Variants in TET2 observed in about 807,000 individuals in gnomAD.
TET2 encodes the protein tet methylcytosine dioxygenase 2.
A neutral mutation model predicts 142.9 loss-of-function variants in TET2; 299 were observed. The observed-to-expected ratio is 2.09, with a 90% CI of 1.90 to 2.30. The LOEUF (loss-of-function observed/expected upper bound fraction) is 2.30. Among genes scored for constraint, TET2 ranks in the 30% most tolerant of loss-of-function variants. The pLI is 0.00. For missense variants in TET2, 2,418 were observed against 2,378.0 expected, an observed-to-expected ratio of 1.02 and a Z score of -0.35; for synonymous variants, 819 against 849.0, an observed-to-expected ratio of 0.96 and a Z score of 0.61.
chr4:105,203,415 A>C (rs989739867), intron 2 of TET2, among the ~76,000 whole-genome samples: 5 of 152,260 alleles, frequency 3.3e-5, no homozygotes, highest in Non-Finnish European at 7.3e-5. Context: ...TGTTCTAAAC[A>C]GTACTGTAAT....
intron 1 of TET2, among the ~76,000 whole-genome samples, chr4:105,184,675 C>A (rs965078503): frequency 6.6e-6 from 1 of 152,128 alleles, no homozygotes; most frequent in Non-Finnish European, 1.5e-5. Flanking sequence ...TGAAATAGCA[C>A]TTCCCTTTAG....
chr4:105,242,865 G>GA lies in TET2; in HGVS notation c.3535dup (p.Arg1179LysfsTer7). The GA allele has an allele frequency of 6.4e-7, 1 of 1,551,424 alleles. No homozygotes were observed. The highest frequency in any genetic ancestry group is 8.7e-7 in the Non-Finnish European group (1 of 1,146,864). ...ACAGAAGGGTAAAGCTATTAGGATT[G>GA]AAAGAGTCATCTATACTGGTAAAGA... On this transcript the variant is annotated frameshift_variant, in exon 5 of 11. Coordinates refer to ENST00000380013, the MANE Select transcript of TET2 (RefSeq NM_001127208.3). LOFTEE classifies it high-confidence loss of function.
intron 1 of TET2, among the ~76,000 whole-genome samples, chr4:105,152,598 CTTTTTTTTT>C (rs869064512): frequency 4.2e-5 from 1 of 23,556 alleles, no homozygotes; most frequent in South Asian, 1.6e-3. Context: ...TTCTTTCTTT[CTTTTTTTTT>C]TTTTTTTTGA....
chr4:105,273,655 A>C (rs1057321775), intron 10 of TET2, among the ~76,000 whole-genome samples: 10 of 152,218 alleles, frequency 6.6e-5, no homozygotes, highest in African/African-American at 2.4e-4. Context: ...CTACTGTTTT[A>C]GGTTTCTAAA....
intron 6 of TET2, among the ~76,000 whole-genome samples, chr4:105,250,341 A>G (rs1005220328): frequency 1.4e-5 from 2 of 140,960 alleles, no homozygotes; most frequent in Non-Finnish European, 3.1e-5. Flanking sequence ...TTGGGTTTCC[A>G]TATGCATTTT....
intron 2 of TET2, among the ~76,000 whole-genome samples, chr4:105,222,146 G>A (rs1386868916): frequency 2.6e-5 from 4 of 151,978 alleles, no homozygotes; most frequent in Non-Finnish European, 4.4e-5. Flanking sequence ...CCAAGTCTTT[G>A]CTATTGTGAA....
intron 2 of TET2, among the ~76,000 whole-genome samples, chr4:105,191,665 C>T (rs1725797639): frequency 6.6e-6 from 1 of 152,102 alleles, no homozygotes; most frequent in African/African-American, 2.4e-5. Context: ...TCCACTCTGC[C>T]ACTTGATACT....
At chr4:105,230,869 T>C (rs1728470286) in intron 2 of TET2, among the ~76,000 whole-genome samples, 1 of 152,198 alleles carries the variant, frequency 6.6e-6, no homozygotes, top group African/African-American at 2.4e-5. Context: ...AGATTGTTTT[T>C]AACTTTTGGG....
chr4:105,241,330 T>C lies in TET2; in HGVS notation c.3410-9T>C, dbSNP rs1317419503. ...GGTCTAAAATAATAATCTTCTATTA[T>C]CTCAACAGAGCAAATTATTGAAAAA... On this transcript the variant is annotated splice_polypyrimidine_tract_variant and intron_variant, in intron 3 of 10. Coordinates refer to ENST00000380013, the MANE Select transcript of TET2 (RefSeq NM_001127208.3). The C allele has an allele frequency of 2.6e-6, 4 of 1,541,066 alleles. No individual in the cohort carries two copies. Among genetic ancestry groups the C allele is most frequent in the Non-Finnish European group, 3.5e-6 (4 of 1,142,540 alleles).
chr4:105,256,489 C>T (rs935446398), intron 6 of TET2, among the ~76,000 whole-genome samples: 2 of 152,058 alleles, frequency 1.3e-5, no homozygotes, highest in South Asian at 2.1e-4. Flanking sequence ...TATTGGGAAT[C>T]CTGCATACAT....
chr4:105,210,735 A>T (rs969678407), intron 2 of TET2, among the ~76,000 whole-genome samples: 2 of 152,138 alleles, frequency 1.3e-5, no homozygotes, highest in Non-Finnish European at 2.9e-5. Flanking sequence ...CTAATCCATT[A>T]CCAAGTTGTT....
chr4:105,236,317 C>CA lies in TET2; in HGVS notation c.2379dup (p.Ser794IlefsTer8). On this transcript the variant is annotated frameshift_variant, in exon 3 of 11. Coordinates refer to ENST00000380013, the MANE Select transcript of TET2 (RefSeq NM_001127208.3). LOFTEE classifies it high-confidence loss of function. ...TGTTTTCATGGTGAAAATCAGTATT[C>CA]AAAATCAAGCGAGTTCGAGACTCAT... The CA allele has an allele frequency of 6.2e-7, 1 of 1,613,962 alleles. No homozygotes were observed. The highest frequency in any genetic ancestry group is 8.5e-7 in the Non-Finnish European group (1 of 1,179,986).
chr4:105,260,839 TAATG>T (rs1023531709), intron 7 of TET2, among the ~76,000 whole-genome samples: 1 of 152,144 alleles, frequency 6.6e-6, no homozygotes, highest in Non-Finnish European at 1.5e-5. Context: ...ATTAATAACT[TAATG>T]AAAAGTACTG....
At position 105,235,747 on chromosome 4, in the gene TET2, C is replaced by G. The variant is rs568199594; in HGVS notation, c.1805C>G (p.Ser602Cys). The change falls in exon 3 of 11, where the codon TCC becomes TGC. Residue 602 changes from serine to cysteine, a missense_variant. Physicochemically the swap from Ser to Cys is moderately radical, Grantham distance 112. Coordinates refer to ENST00000380013, the MANE Select transcript of TET2 (RefSeq NM_001127208.3). ...CCCAATCTCTCCAATCAAATGACCTCCAAACAATACACTGGAAATTCCAAC... is the reference window on the plus strand; with the variant it reads ...CCCAATCTCTCCAATCAAATGACCTGCAAACAATACACTGGAAATTCCAAC... The part of the protein sequence containing the change: ...YQPNLSNQMT[S>C]KQYTGNSNMP... 2 of 1,614,166 alleles carry G rather than the reference C, an allele frequency of 1.2e-6. No homozygotes were observed. Among genetic ancestry groups the G allele is most frequent in the Admixed American group, 1.7e-5 (1 of 60,006 alleles).
rs531835881 is a variant in TET2, at chr4:105,211,276, T to C, written c.-47+20771T>C. On this transcript the variant is annotated intron_variant, in intron 2 of 10. Coordinates refer to ENST00000380013, the MANE Select transcript of TET2 (RefSeq NM_001127208.3). ...TCCTGTTTTAGTCCTCTTTATCTCA[T>C]CACTCAGATTTATTTCCCTCATAGC... Among the ~76,000 whole-genome samples, 177 of 152,322 alleles carry C rather than the reference T, an allele frequency of 1.2e-3. 2 individuals carry two copies. Among genetic ancestry groups the C allele is most frequent in the Non-Finnish European group, 1.8e-3 (122 of 68,036 alleles).
Position 105,233,912 on chromosome 4 carries a change from C to G in TET2, c.-31C>G. The G allele has an allele frequency of 6.4e-7, 1 of 1,574,750 alleles. No homozygotes were observed. The highest frequency in any genetic ancestry group is 8.6e-7 in the Non-Finnish European group (1 of 1,162,782). ...TGCTCTTTAGAATTCAACTAGAGGG[C>G]AGCCTTGTGGATGGCCCCGAAGCAA... On this transcript the variant is annotated 5_prime_UTR_variant, in exon 3 of 11. Coordinates refer to ENST00000380013, the MANE Select transcript of TET2 (RefSeq NM_001127208.3).
chr4:105,279,367 T>C lies in TET2; in HGVS notation c.*2848T>C. ...TAAATATCAGATCTATAATTGTAAA[T>C]ATAAAACCTGCCTCAGTTAGAATGA... On this transcript the variant is annotated 3_prime_UTR_variant, in exon 11 of 11. Coordinates refer to ENST00000380013, the MANE Select transcript of TET2 (RefSeq NM_001127208.3). 1 of 232,464 alleles carries C rather than the reference T, an allele frequency of 4.3e-6. No homozygotes were observed. Among genetic ancestry groups the C allele is most frequent in the Non-Finnish European group, 8.5e-6 (1 of 117,568 alleles). 14.4% of individuals were successfully genotyped at this position (232,464 alleles called of 1,614,324 possible). A position where few individuals can be genotyped will look rare whatever the true frequency, so the allele number is the denominator to read the frequency against.
At chr4:105,204,270 T>C (rs113887651) in intron 2 of TET2, among the ~76,000 whole-genome samples, 17,244 of 85,598 alleles carry the variant, frequency 0.2, 1,036 homozygotes, top group Middle Eastern at 0.34. Flanking sequence ...CACACACACA[T>C]ACATACATAC....
At chr4:105,150,653 G>C (rs900250824) in intron 1 of TET2, among the ~76,000 whole-genome samples, 2 of 152,334 alleles carry the variant, frequency 1.3e-5, no homozygotes, top group Admixed American at 6.5e-5. Context: ...AGTAGAGCTG[G>C]TGGTTATCTG....
Sources: gnomAD v4.1 joint callset for allele counts (sites outside exome capture counted in the v4.1 genomes callset) on GRCh38, gnomAD v4.1.1 for gene constraint, MANE v1.5 for transcripts, NCBI Gene and HGNC (gene_info 2026-07-23, HGNC 2026-07-21) for gene names.